ADAMTS2: variants seen among roughly 807,000 people sequenced by gnomAD.
ADAMTS2 encodes the protein A disintegrin and metalloproteinase with thrombospondin motifs 2.
A neutral mutation model predicts 123.0 loss-of-function variants in ADAMTS2; 50 were observed. The observed-to-expected ratio is 0.41, with a 90% CI of 0.32 to 0.51. The LOEUF (loss-of-function observed/expected upper bound fraction) is 0.51, where lower values mean the gene tolerates loss of function less well. ADAMTS2 is among the 20% of genes least tolerant of loss of function. The pLI is 0.35. For missense variants in ADAMTS2, 1,494 were observed against 1,705.2 expected, an observed-to-expected ratio of 0.88 and a Z score of 2.18; for synonymous variants, 678 against 695.4, an observed-to-expected ratio of 0.98 and a Z score of 0.39.
intron 10 of ADAMTS2, 137 bp from the exon 11 acceptor site, chr5:179,140,172 C>T (rs1023985915): frequency 3.5e-5 from 45 of 1,299,640 alleles, no homozygotes; most frequent in Non-Finnish European, 4.2e-5. Context: ...CCTCCTCGCC[C>T]CTAGATGCTC....
chr5:179,189,019 G>C lies in ADAMTS2; in HGVS notation c.892-7864C>G, dbSNP rs1273800160. On this transcript the variant is annotated intron_variant, in intron 4 of 21. Transcript: ENST00000251582. This position sits in a 1 kb window ranked among gnomAD's most constrained non-coding sequence, Gnocchi z 4.2. ...GTGGGGGGGATATTCCCACTCTGAG[G>C]TCAGATTTCATGGGTGCCAGCATGG... is the stretch of plus-strand genomic sequence containing the variant. 7.9e-5 allele frequency among the ~76,000 whole-genome samples: 12 copies of C among 152,198 alleles called. No homozygotes were observed. Among genetic ancestry groups the C allele is most frequent in the African/African-American group, 2.9e-4 (12 of 41,452 alleles).
intron 6 of ADAMTS2, among the ~76,000 whole-genome samples, chr5:179,156,638 G>A (rs974604893): frequency 1.3e-5 from 2 of 152,138 alleles, no homozygotes; most frequent in African/African-American, 2.4e-5. Flanking sequence ...GATTACAGGC[G>A]TGAGCCACCG....
intron 2 of ADAMTS2, among the ~76,000 whole-genome samples, chr5:179,306,254 C>T (rs544050461): frequency 2.6e-5 from 4 of 152,124 alleles, no homozygotes; most frequent in African/African-American, 9.7e-5. Context: ...CATGTATAAA[C>T]AGCAGAGTGC....
At chr5:179,291,397 G>T (rs1433199344) in intron 2 of ADAMTS2, among the ~76,000 whole-genome samples, 1 of 152,206 alleles carries the variant, frequency 6.6e-6, no homozygotes, top group East Asian at 1.9e-4. Flanking sequence ...GTCTTCCAGG[G>T]CTGGCTGCAT....
chr5:179,207,774 C>G, intron 3 of ADAMTS2, 59 bp from the exon 4 acceptor site: 1 of 1,505,168 alleles, frequency 6.6e-7, no homozygotes, highest in African/African-American at 1.4e-5. Context: ...CACAAACCTA[C>G]CAGGCGCCAG....
chr5:179,340,539 T>C (rs1327261046), intron 2 of ADAMTS2, among the ~76,000 whole-genome samples: 1 of 152,218 alleles, frequency 6.6e-6, no homozygotes, highest in Admixed American at 6.5e-5. Flanking sequence ...ATTCTTTTTG[T>C]AGGCATGCAG....
intron 2 of ADAMTS2, among the ~76,000 whole-genome samples, chr5:179,273,674 T>G (rs1490418136): frequency 6.6e-6 from 1 of 152,014 alleles, no homozygotes; most frequent in Non-Finnish European, 1.5e-5. Flanking sequence ...CACATGCCCC[T>G]GCAACTGGCT....
At position 179,181,104 on chromosome 5, in the gene ADAMTS2, G is replaced by A; in HGVS notation, c.943C>T (p.Leu315=). Residue 315 remains leucine (L), a synonymous_variant, in exon 5 of 22, where the codon CTG becomes TTG. Coordinates refer to ENST00000251582, the MANE Select transcript of ADAMTS2 (RefSeq NM_014244.5). This position sits in a 1 kb window ranked among gnomAD's most constrained non-coding sequence, Gnocchi z 4.1. ...TAGCTCAGGAGGATGATCCGCACCA[G>A]GACCACGTTGATGTGGGCACCCAAG... is the stretch of plus-strand genomic sequence containing the variant. ...ESLGAHINVV[L]VRIILLSYGK... 1 of 1,613,970 alleles carries A rather than the reference G, an allele frequency of 6.2e-7. No individual in the cohort carries two copies. Among genetic ancestry groups the A allele is most frequent in the Non-Finnish European group, 8.5e-7 (1 of 1,179,974 alleles).
intron 5 of ADAMTS2, among the ~76,000 whole-genome samples, chr5:179,169,203 C>A (rs1013925894): frequency 1.3e-5 from 2 of 152,206 alleles, no homozygotes; most frequent in African/African-American, 2.4e-5. Context: ...GAGATTAGCA[C>A]CCTTACAAAA....
intron 2 of ADAMTS2, among the ~76,000 whole-genome samples, chr5:179,343,305 A>G (rs537684921): frequency 3.9e-4 from 59 of 152,310 alleles, no homozygotes; most frequent in African/African-American, 1.4e-3. Context: ...GATGCTCAAC[A>G]CACTGATGTG....
At chr5:179,172,394 G>T (rs1763840622) in intron 5 of ADAMTS2, among the ~76,000 whole-genome samples, 1 of 152,234 alleles carries the variant, frequency 6.6e-6, no homozygotes, top group East Asian at 1.9e-4. Flanking sequence ...GGTGCATGAG[G>T]GGTGGGGGTC....
At chr5:179,295,550 C>T (rs1488336300) in intron 2 of ADAMTS2, among the ~76,000 whole-genome samples, 1 of 152,224 alleles carries the variant, frequency 6.6e-6, no homozygotes, top group African/African-American at 2.4e-5. Context: ...AGGCAGCCCT[C>T]ACTCTCATAG....
rs1764046057 is a variant in ADAMTS2, at chr5:179,181,439, G to A, written c.892-284C>T. 6.6e-6 allele frequency among the ~76,000 whole-genome samples: 1 copy of A among 152,172 alleles called. No individual in the cohort carries two copies. The highest frequency in any genetic ancestry group is 2.1e-4 in the South Asian group (1 of 4,824). Reference sequence around the variant, plus strand: ...GGGGCCTGAACATGGAACGTGGGCAGGGAAAGCAGCCCTACGCTTGCTGTA... The same window carrying A: ...GGGGCCTGAACATGGAACGTGGGCAAGGAAAGCAGCCCTACGCTTGCTGTA... On this transcript the variant is annotated intron_variant, in intron 4 of 21. Coordinates refer to ENST00000251582, the MANE Select transcript of ADAMTS2 (RefSeq NM_014244.5). This position sits in a 1 kb window ranked among gnomAD's most constrained non-coding sequence, Gnocchi z 4.1.
intron 5 of ADAMTS2, among the ~76,000 whole-genome samples, chr5:179,171,218 G>A (rs1339457814): frequency 6.6e-6 from 1 of 152,202 alleles, no homozygotes; most frequent in Admixed American, 6.5e-5. Flanking sequence ...GCATTGAGGT[G>A]CACTGTGTAC....
chr5:179,136,268 C>A (rs1385960301), intron 12 of ADAMTS2, among the ~76,000 whole-genome samples: 1 of 152,212 alleles, frequency 6.6e-6, no homozygotes, highest in Non-Finnish European at 1.5e-5. Context: ...CTTTTCCCAA[C>A]CAAGCCAGCC....
At chr5:179,215,623 A>G (rs1764964662) in intron 3 of ADAMTS2, among the ~76,000 whole-genome samples, 1 of 152,240 alleles carries the variant, frequency 6.6e-6, no homozygotes, top group Admixed American at 6.5e-5. Context: ...CTCCAAGGAT[A>G]GGCAGAGCAG....
At chr5:179,194,922 G>A (rs75250342) in intron 4 of ADAMTS2, among the ~76,000 whole-genome samples, 2,542 of 152,194 alleles carry the variant, frequency 0.017, 84 homozygotes, top group African/African-American at 0.057. Context: ...AATCAACCTC[G>A]CTCCCGCTCT....
intron 2 of ADAMTS2, among the ~76,000 whole-genome samples, chr5:179,305,403 G>A (rs1204143771): frequency 6.6e-6 from 1 of 152,018 alleles, no homozygotes; most frequent in East Asian, 1.9e-4. Flanking sequence ...GAGGACAGAG[G>A]GACCTATATG....
In ADAMTS2 at chr5:179,272,194, G is replaced by A. The variant is rs1766554928; in HGVS notation, c.688+717C>T. On this transcript the variant is annotated intron_variant, in intron 3 of 21. Coordinates refer to ENST00000251582, the MANE Select transcript of ADAMTS2 (RefSeq NM_014244.5). The surrounding 1 kb of genome is among the most constrained non-coding windows in gnomAD (Gnocchi z 5.8). The stretch of plus-strand genomic sequence containing the variant: ...GGGGGATGCTGGGAGGTGTGGGCTG[G>A]CACAGTGAGGCCAGATCTGAGGCGA... Among the ~76,000 whole-genome samples, 3 of 152,206 alleles carry A rather than the reference G, an allele frequency of 2.0e-5. No homozygotes were observed. The highest frequency in any genetic ancestry group is 2.4e-5 in the African/African-American group (1 of 41,460).
Sources: gnomAD v4.1 joint callset for allele counts (sites outside exome capture counted in the v4.1 genomes callset) on GRCh38, gnomAD v4.1.1 for gene constraint, Gnocchi (gnomAD v3.1) non-coding constraint, MANE v1.5 for transcripts, NCBI Gene and HGNC (gene_info 2026-07-23, HGNC 2026-07-21) for gene names.